AMD1: variants seen among roughly 807,000 people sequenced by gnomAD.
AMD1 encodes adenosylmethionine decarboxylase 1, also known as S-adenosylmethionine decarboxylase proenzyme.
AMD1 carries 11 observed loss-of-function variants against 40.2 expected under a neutral mutation model. The observed-to-expected ratio is 0.27, with a 90% CI of 0.17 to 0.45. The LOEUF (loss-of-function observed/expected upper bound fraction) is 0.45, where lower values mean the gene tolerates loss of function less well. AMD1 is among the 20% of genes least tolerant of loss of function. The pLI, the probability that AMD1 is intolerant of heterozygous loss-of-function variation, is 1.00. For synonymous variants in AMD1, 121 were observed against 130.8 expected, an observed-to-expected ratio of 0.93 and a Z score of 0.51; for missense variants, 257 against 410.2, an observed-to-expected ratio of 0.63 and a Z score of 3.23.
the AMD1 span, among the ~76,000 whole-genome samples, chr6:110,857,752 T>A: frequency 2.7e-5 from 4 of 146,942 alleles, no homozygotes; most frequent in African/African-American, 1.0e-4. Flanking sequence ...ATAGATGGTA[T>A]ATATATATAG....
Position 110,874,832 on chromosome 6 carries a change from C to G in AMD1, c.-274C>G. ...CATTAGCTAGCGCTCGCTCTACTCT[C>G]TCTAACGGGAAAGCAGCGGAATACA... is the stretch of plus-strand genomic sequence containing the variant. On this transcript the variant is annotated 5_prime_UTR_variant, in exon 1 of 9. Transcript: ENST00000368885. 2.6e-6 allele frequency: 1 copy of G among 384,450 alleles called. No individual in the cohort carries two copies. The allele number at this position is 384,450 out of a possible 1,614,324, so 23.8% of individuals were successfully genotyped here. A position where few individuals can be genotyped will look rare whatever the true frequency, so the allele number is the denominator to read the frequency against.
chr6:110,856,495 C>A, the AMD1 span: 1 of 152,084 alleles, frequency 6.6e-6, no homozygotes, highest in African/African-American at 2.4e-5. Flanking sequence ...AGGATGACAC[C>A]CAGATTTGTG....
At chr6:110,893,387 T>G in intron 8 of AMD1, 89 bp from the exon 9 acceptor site, 1 of 1,521,830 alleles carries the variant, frequency 6.6e-7, no homozygotes, top group East Asian at 2.3e-5. Context: ...CTTAGTTTCA[T>G]TAAGATAAAA....
chr6:110,857,639 G>A, the AMD1 span, among the ~76,000 whole-genome samples: 2 of 126,250 alleles, frequency 1.6e-5, no homozygotes, highest in African/African-American at 2.9e-5. Flanking sequence ...TATATAGATG[G>A]TATATATATA....
At chr6:110,825,377 A>G in the AMD1 span, among the ~76,000 whole-genome samples, 1 of 152,176 alleles carries the variant, frequency 6.6e-6, no homozygotes, top group Non-Finnish European at 1.5e-5. Flanking sequence ...CGATTTTGCC[A>G]TTTATCAAGA....
At chr6:110,859,494 T>C in the AMD1 span, among the ~76,000 whole-genome samples, 20 of 152,324 alleles carry the variant, frequency 1.3e-4, no homozygotes, top group African/African-American at 4.8e-4. Context: ...CTCTTCCCCA[T>C]TGTGTCAGCC....
intron 1 of AMD1, among the ~76,000 whole-genome samples, chr6:110,887,046 T>C (rs771092364): frequency 6.6e-6 from 1 of 152,184 alleles, no homozygotes; most frequent in Non-Finnish European, 1.5e-5. Context: ...TTTTTGTGAG[T>C]GCTATAAGAG....
chr6:110,852,174 T>C, the AMD1 span, among the ~76,000 whole-genome samples: 2 of 145,026 alleles, frequency 1.4e-5, no homozygotes, highest in African/African-American at 2.5e-5. Context: ...CTACTGACTA[T>C]AGGCATGCAC....
the AMD1 span, among the ~76,000 whole-genome samples, chr6:110,859,495 T>A: frequency 1.3e-5 from 2 of 152,170 alleles, no homozygotes. Flanking sequence ...TCTTCCCCAT[T>A]GTGTCAGCCA....
the AMD1 span, among the ~76,000 whole-genome samples, chr6:110,835,780 G>C: frequency 1.3e-5 from 2 of 151,822 alleles, no homozygotes; most frequent in South Asian, 4.2e-4. Flanking sequence ...CAGGAGAATC[G>C]CTTGAACCCA....
At chr6:110,814,990 C>T in the AMD1 span, 4 of 1,601,658 alleles carry the variant, frequency 2.5e-6, no homozygotes, top group African/African-American at 1.4e-5. Flanking sequence ...GAGCCTACTC[C>T]TCCCGCCCCT....
the AMD1 span, among the ~76,000 whole-genome samples, chr6:110,833,038 C>G: frequency 3.3e-5 from 5 of 152,160 alleles, no homozygotes; most frequent in South Asian, 8.3e-4. Flanking sequence ...CCAGGCTGGT[C>G]TCAAACTCCT....
chr6:110,853,433 G>C, the AMD1 span, among the ~76,000 whole-genome samples: 1 of 151,836 alleles, frequency 6.6e-6, no homozygotes. Context: ...TCAGCCTCCT[G>C]AGTAGCTGGG....
At chr6:110,887,878 G>C (rs1290630554) in intron 2 of AMD1, among the ~76,000 whole-genome samples, 1 of 152,046 alleles carries the variant, frequency 6.6e-6, no homozygotes, top group African/African-American at 2.4e-5. Flanking sequence ...TAGAGACGGG[G>C]TTTCACCATG....
At chr6:110,860,293 C>T in the AMD1 span, among the ~76,000 whole-genome samples, 2 of 151,978 alleles carry the variant, frequency 1.3e-5, no homozygotes, top group Admixed American at 6.6e-5. Flanking sequence ...GTGGACCAAA[C>T]GCAGTAAAAC....
chr6:110,834,232 G>A, the AMD1 span, among the ~76,000 whole-genome samples: 1 of 152,132 alleles, frequency 6.6e-6, no homozygotes, highest in Non-Finnish European at 1.5e-5. Context: ...TCAGCACTTT[G>A]GGAGGCTGAA....
At chr6:110,885,716 G>A (rs996106274) in intron 1 of AMD1, among the ~76,000 whole-genome samples, 1 of 152,152 alleles carries the variant, frequency 6.6e-6, no homozygotes, top group Non-Finnish European at 1.5e-5. Flanking sequence ...TTTTAAAAAA[G>A]TTGCTTAGTC....
chr6:110,820,873 C>T, the AMD1 span, among the ~76,000 whole-genome samples: 9 of 152,014 alleles, frequency 5.9e-5, no homozygotes, highest in Admixed American at 2.6e-4. Flanking sequence ...ACAGCAAGAT[C>T]GTGCCACAGC....
intron 1 of AMD1, among the ~76,000 whole-genome samples, chr6:110,884,761 A>G (rs1743452184): frequency 6.6e-6 from 1 of 152,190 alleles, no homozygotes; most frequent in Non-Finnish European, 1.5e-5. Flanking sequence ...AGACTGTTAC[A>G]CTGTTTAGTT....
Sources: allele counts gnomAD v4.1 joint callset (sites outside exome capture counted in the v4.1 genomes callset), GRCh38; gene constraint gnomAD v4.1.1; transcripts MANE v1.5; gene names NCBI Gene and HGNC (gene_info 2026-07-23, HGNC 2026-07-21).